PLEKHG6: variants seen among roughly 807,000 people sequenced by gnomAD.
PLEKHG6 encodes the protein pleckstrin homology and RhoGEF domain containing G6, also known as pleckstrin homology domain-containing family G member 6.
A neutral mutation model predicts 97.5 loss-of-function variants in PLEKHG6; 91 were observed. The ratio of observed to expected loss-of-function variants is 0.93; its 90% CI spans 0.79 to 1.11. The LOEUF is 1.11. PLEKHG6 is among the 50% of genes most tolerant of loss of function. The pLI, the probability that PLEKHG6 is intolerant of heterozygous loss-of-function variation, is 0.00. For synonymous variants in PLEKHG6, 466 were observed against 425.5 expected (o/e 1.10, Z -1.17); for missense variants, 1,044 against 1,031.0 (o/e 1.01, Z -0.17).
At position 6,318,434 on chromosome 12, in the gene PLEKHG6, G is replaced by A. The variant is rs749374557; in HGVS notation, c.1275+14G>A. ...CGAGAAGGGAAGGTGAGGGTGCTGC[G>A]GACAGAGTGGAGGGGATGGGGCACG... On this transcript the variant is annotated intron_variant, in intron 11 of 15. Transcript: ENST00000684764. The A allele has an allele frequency of 1.6e-5, 26 of 1,597,710 alleles. No homozygotes were observed. The highest frequency in any genetic ancestry group is 1.7e-4 in the Middle Eastern group (1 of 5,972).
chr12:6,313,496 A>G lies in PLEKHG6; in HGVS notation c.139-133A>G, dbSNP rs1342086876. On this transcript the variant is annotated intron_variant, in intron 2 of 15. Coordinates refer to ENST00000684764, the MANE Select transcript of PLEKHG6 (RefSeq NM_001384598.1). ...AGCAGTCCACACCAAACTGGTTTGC[A>G]GGGAGAAGTGAGCCAGCCCGACTTA... The G allele has an allele frequency of 3.7e-6, 4 of 1,068,262 alleles. No individual in the cohort carries two copies. In the African/African-American group the frequency reaches 6.3e-5, roughly 17 times the overall value. The allele number at this position is 1,068,262 out of a possible 1,614,324, so 66.2% of individuals were successfully genotyped here.
intron 2 of PLEKHG6, chr12:6,312,616 A>G: frequency 7.7e-7 from 1 of 1,296,026 alleles, no homozygotes; most frequent in Non-Finnish European, 9.8e-7. Flanking sequence ...GAGTGCTGTT[A>G]GACAGGTCTC....
At chr12:6,311,834 G>A (rs1947280141) in intron 1 of PLEKHG6, among the ~76,000 whole-genome samples, 1 of 151,326 alleles carries the variant, frequency 6.6e-6, no homozygotes, top group Non-Finnish European at 1.5e-5. Context: ...CCTCCCACCT[G>A]GGTGTATCCA....
At chr12:6,314,734 A>G (rs71459999) in intron 3 of PLEKHG6, among the ~76,000 whole-genome samples, 21,392 of 151,246 alleles carry the variant, frequency 0.14, 1,962 homozygotes, top group Non-Finnish European at 0.2. Flanking sequence ...CCTAGATCAG[A>G]CCCCTCTCCA....
At chr12:6,319,189 T>G in intron 13 of PLEKHG6, 81 bp downstream of exon 13, 2 of 914,424 alleles carry the variant, frequency 2.2e-6, no homozygotes, top group Non-Finnish European at 3.4e-6. Flanking sequence ...GGATCACACC[T>G]GTAATCTCAG....
In PLEKHG6 at chr12:6,318,828, AC is replaced by A; in HGVS notation, c.1364del (p.Pro455LeufsTer20). On this transcript the variant is annotated frameshift_variant, in exon 12 of 16. Coordinates refer to ENST00000684764, the MANE Select transcript of PLEKHG6 (RefSeq NM_001384598.1). LOFTEE classifies it high-confidence loss of function. The part of the protein sequence containing the change: ...RKADKAKVIR[P>X]PLMLEKLVCQ... ...AGGCGGACAAAGCCAAGGTCATCCG[AC>A]CCCCTCTCATGCTGGAGAAGCTCGT... is the stretch of plus-strand genomic sequence containing the variant. 13 of 1,613,328 alleles carry A rather than the reference AC, an allele frequency of 8.1e-6. No homozygotes were observed. Among genetic ancestry groups the A allele is most frequent in the Non-Finnish European group, 1.1e-5 (13 of 1,179,790 alleles).
chr12:6,313,897 T>A, intron 3 of PLEKHG6, 113 bp downstream of exon 3: 1 of 979,484 alleles, frequency 1.0e-6, no homozygotes, highest in Non-Finnish European at 1.5e-6. Flanking sequence ...GGCTGCTGCC[T>A]GCCAGTCAGA....
chr12:6,312,803 G>A (rs1796637138), intron 2 of PLEKHG6: 2 of 1,225,480 alleles, frequency 1.6e-6, no homozygotes, highest in Non-Finnish European at 2.1e-6. Context: ...GGACAGGAGG[G>A]TGCCTGCCTT....
rs778587269 is a variant in PLEKHG6, at chr12:6,319,305, G to A, written c.1524+197G>A. 601 of 610,160 alleles carry A rather than the reference G, an allele frequency of 9.8e-4. 2 individuals are homozygous for A. Among genetic ancestry groups the A allele is most frequent in the Non-Finnish European group, 1.2e-3 (405 of 349,762 alleles). 37.8% of individuals were successfully genotyped at this position (610,160 alleles called of 1,614,324 possible). ...TCTACTAAAAATACAAAAATTAGCC[G>A]GGCGTGGTGGTGTGTGCCTGTAGTC... On this transcript the variant is annotated intron_variant, in intron 13 of 15. Coordinates refer to ENST00000684764, the MANE Select transcript of PLEKHG6 (RefSeq NM_001384598.1).
chr12:6,315,735 A>G lies in PLEKHG6; in HGVS notation c.555+86A>G. ...AGACTGGAAGGCAGGTCACTGGGGG[A>G]GGGAGGGGCAGGATTTCAGGCCAGT... On this transcript the variant is annotated intron_variant, in intron 5 of 15. Transcript: ENST00000684764. The surrounding 1 kb of genome is among the most constrained non-coding windows in gnomAD (Gnocchi z 4.5). 1.7e-6 allele frequency: 2 copies of G among 1,183,690 alleles called. No homozygotes were observed. Among genetic ancestry groups the G allele is most frequent in the South Asian group, 1.5e-5 (1 of 68,722 alleles). The allele number at this position is 1,183,690 out of a possible 1,614,324, so 73.3% of individuals were successfully genotyped here.
Position 6,327,507 on chromosome 12 carries a change from C to A in PLEKHG6, c.1924C>A (p.Gln642Lys), listed in dbSNP as rs200540933. ...RPHPPDPQAP[Q>K]RRSAPELPEG... ...CCACCCTCCCGACCCCCAAGCTCCT[C>A]AACGCCGAAGCGCCCCCGAACTGCC... Residue 642 changes from glutamine to lysine, a missense_variant, in exon 15 of 16, where the codon CAA (glutamine) becomes AAA (lysine). Physicochemically the swap from Gln to Lys is moderately conservative, Grantham distance 53. Transcript: ENST00000684764. 7 of 1,605,774 alleles carry A rather than the reference C, an allele frequency of 4.4e-6. No individual in the cohort carries two copies. In the African/African-American group the frequency reaches 6.7e-5, roughly 15 times the overall value.
rs1199701047 is a variant in PLEKHG6, at chr12:6,321,785, C to T, written c.1524+2677C>T. Among the ~76,000 whole-genome samples, 4 of 138,612 alleles carry T rather than the reference C, an allele frequency of 2.9e-5. No individual in the cohort carries two copies. In the Admixed American group the frequency reaches 2.9e-4, roughly 10 times the overall value. The allele number at this position is 138,612 out of a possible 152,430, so 90.9% of individuals were successfully genotyped here. ...GAGCTTGCAGTGAGCCGAGATCGCG[C>T]CACTGCACTCCAGCCTGGGCGACAG... On this transcript the variant is annotated intron_variant, in intron 13 of 15. Transcript: ENST00000684764.
chr12:6,318,891 T>C lies in PLEKHG6; in HGVS notation c.1408+14T>C, dbSNP rs1392814356. Reference sequence around the variant, plus strand: ...TGCGAGACCCCAGTACGTCCTTCCTTCAGGGAGTCTTTTCTTCTCCCTCTT... The same window carrying C: ...TGCGAGACCCCAGTACGTCCTTCCTCCAGGGAGTCTTTTCTTCTCCCTCTT... On this transcript the variant is annotated intron_variant, in intron 12 of 15. Coordinates refer to ENST00000684764, the MANE Select transcript of PLEKHG6 (RefSeq NM_001384598.1). 1 of 1,614,168 alleles carries C rather than the reference T, an allele frequency of 6.2e-7. No individual in the cohort carries two copies.
intron 15 of PLEKHG6, 55 bp downstream of exon 15, chr12:6,328,001 G>C: frequency 1.3e-6 from 2 of 1,513,270 alleles, no homozygotes; most frequent in Non-Finnish European, 8.9e-7. Context: ...TGTCTGTATG[G>C]TGGTGGGGTG....
At chr12:6,325,691 C>A (rs1449998655) in intron 13 of PLEKHG6, among the ~76,000 whole-genome samples, 1 of 152,134 alleles carries the variant, frequency 6.6e-6, no homozygotes, top group African/African-American at 2.4e-5. Flanking sequence ...AAGGAGCAAC[C>A]AGTACCAATT....
At chr12:6,312,822 C>T in intron 2 of PLEKHG6, 2 of 1,249,030 alleles carry the variant, frequency 1.6e-6, no homozygotes, top group South Asian at 2.1e-5. Flanking sequence ...TTGGCTCCAC[C>T]CCTGGCTCCA....
At chr12:6,323,483 T>C (rs886296979) in intron 13 of PLEKHG6, among the ~76,000 whole-genome samples, 1 of 152,208 alleles carries the variant, frequency 6.6e-6, no homozygotes, top group Non-Finnish European at 1.5e-5. Flanking sequence ...GATTTATTCC[T>C]AGCGGGTCTA....
chr12:6,324,296 C>CG (rs1555105532), intron 13 of PLEKHG6, among the ~76,000 whole-genome samples: 6 of 98,184 alleles, frequency 6.1e-5, no homozygotes, highest in African/African-American at 1.8e-4. Flanking sequence ...CCCCCCTCCC[C>CG]CCCCCGCCGC....
intron 7 of PLEKHG6, among the ~76,000 whole-genome samples, 199 bp from the exon 8 acceptor site, chr12:6,317,104 G>C (rs181294232): frequency 6.6e-6 from 1 of 152,218 alleles, no homozygotes; most frequent in Non-Finnish European, 1.5e-5. Flanking sequence ...GGGACCTCAG[G>C]CTCCTTCGTG....
Sources: gnomAD v4.1 joint callset for allele counts (sites outside exome capture counted in the v4.1 genomes callset) on GRCh38, gnomAD v4.1.1 for gene constraint, Gnocchi (gnomAD v3.1) non-coding constraint, MANE v1.5 for transcripts, NCBI Gene and HGNC (gene_info 2026-07-23, HGNC 2026-07-21) for gene names.